The following RGS7 variants were observed in gnomAD, a reference collection of about 807,000 sequenced individuals.
The protein encoded by RGS7 is regulator of G protein signaling 7.
A neutral mutation model predicts 81.1 loss-of-function variants in RGS7; 27 were observed. That is an observed-to-expected ratio of 0.33 (90% CI 0.25 to 0.46). The LOEUF (loss-of-function observed/expected upper bound fraction) is 0.46, where lower values mean the gene tolerates loss of function less well. Ranked by LOEUF, RGS7 falls within the 20% of genes least tolerant of loss-of-function variation. RGS7 has a pLI of 1.00. For missense variants in RGS7, 396 were observed against 607.4 expected (o/e 0.65, Z 3.66); for synonymous variants, 208 against 207.7 (o/e 1.00, Z -0.01).
At chr1:241,106,751 AC>A (rs372491514) in intron 2 of RGS7, among the ~76,000 whole-genome samples, 50 of 54,384 alleles carry the variant, frequency 9.2e-4, no homozygotes, top group African/African-American at 1.3e-3. Context: ...CAACACCACC[AC>A]CACACACACA....
Position 240,848,633 on chromosome 1 carries a change from G to GTTT in RGS7, c.609+19951_609+19953dup, listed in dbSNP as rs5782165. On this transcript the variant is annotated intron_variant, in intron 9 of 18. Transcript: ENST00000440928. Reference sequence around the variant, plus strand: ...AAGGAAATCTCATTTATAACGAGAGGTTTTTTTTTTTAAGAAAGAAACCTA... The same window carrying GTTT: ...AAGGAAATCTCATTTATAACGAGAGGTTTTTTTTTTTTTTAAGAAAGAAACCTA... Among the ~76,000 whole-genome samples the GTTT allele has an allele frequency of 5.0e-3, 752 of 148,934 alleles. 7 individuals carry two copies. Among genetic ancestry groups the GTTT allele is most frequent in the African/African-American group, 0.013 (548 of 40,858 alleles).
chr1:240,797,376 A>G (rs187612333), intron 18 of RGS7, among the ~76,000 whole-genome samples: 51 of 152,042 alleles, frequency 3.4e-4, no homozygotes, highest in African/African-American at 1.2e-3. Context: ...TTTCAGACAG[A>G]GTTTCTCTTT....
intron 4 of RGS7, among the ~76,000 whole-genome samples, chr1:240,981,482 C>G (rs1684912126): frequency 6.6e-6 from 1 of 152,124 alleles, no homozygotes; most frequent in South Asian, 2.1e-4. Context: ...CTTTGCCAAT[C>G]AGTAGTTTCC....
At chr1:240,832,659 C>T (rs557175574) in intron 9 of RGS7, among the ~76,000 whole-genome samples, 2 of 152,240 alleles carry the variant, frequency 1.3e-5, no homozygotes, top group South Asian at 4.1e-4. Flanking sequence ...CTCGGCAAAG[C>T]CTGTGGTGAA....
At chr1:240,972,968 G>A (rs889171393) in intron 4 of RGS7, among the ~76,000 whole-genome samples, 5 of 151,674 alleles carry the variant, frequency 3.3e-5, no homozygotes, top group Admixed American at 2.6e-4. Flanking sequence ...AGGATCACCT[G>A]GGCCTGGGAG....
intron 2 of RGS7, among the ~76,000 whole-genome samples, chr1:241,254,805 G>A (rs755068481): frequency 2.0e-5 from 3 of 152,210 alleles, no homozygotes; most frequent in East Asian, 1.9e-4. Context: ...CATTGTCTGG[G>A]ATTTTACCAC....
intron 3 of RGS7, among the ~76,000 whole-genome samples, chr1:241,037,612 T>C (rs553278520): frequency 1.3e-5 from 2 of 151,588 alleles, no homozygotes; most frequent in South Asian, 4.2e-4. Flanking sequence ...TCCCATCTAA[T>C]TGGGTGGCTG....
chr1:241,077,452 G>C (rs1193932329), intron 3 of RGS7, among the ~76,000 whole-genome samples: 1 of 152,172 alleles, frequency 6.6e-6, no homozygotes, highest in Non-Finnish European at 1.5e-5. Context: ...TGGAATTCTG[G>C]ATGTGTCAAG....
intron 2 of RGS7, among the ~76,000 whole-genome samples, chr1:241,259,667 A>AAAAAATATATAT: frequency 1.4e-4 from 7 of 49,146 alleles, no homozygotes; most frequent in African/African-American, 3.2e-4. Context: ...AAAAAAAAAA[A>AAAAAATATATAT]ATATATATAT....
chr1:241,217,821 G>A (rs909379366), intron 2 of RGS7, among the ~76,000 whole-genome samples: 3 of 152,236 alleles, frequency 2.0e-5, no homozygotes, highest in African/African-American at 7.2e-5. Context: ...CTTGGCACAA[G>A]AGGGTAGCAC....
At chr1:241,131,161 T>C (rs1386862752) in intron 2 of RGS7, among the ~76,000 whole-genome samples, 1 of 152,076 alleles carries the variant, frequency 6.6e-6, no homozygotes, top group Non-Finnish European at 1.5e-5. Flanking sequence ...AAAATAAAAA[T>C]ACCTTTCCAG....
chr1:241,113,739 T>C (rs907657238), intron 2 of RGS7, among the ~76,000 whole-genome samples: 10 of 152,176 alleles, frequency 6.6e-5, no homozygotes, highest in African/African-American at 2.4e-4. Flanking sequence ...ACTCCTTCCC[T>C]ATAAAATGAG....
intron 3 of RGS7, among the ~76,000 whole-genome samples, chr1:241,083,700 C>T (rs952358302): frequency 3.9e-5 from 6 of 152,040 alleles, no homozygotes; most frequent in Admixed American, 1.3e-4. Context: ...TTTTAGTATA[C>T]TCTTTCTTTC....
At chr1:241,005,246 C>T (rs558912468) in intron 3 of RGS7, among the ~76,000 whole-genome samples, 6 of 152,258 alleles carry the variant, frequency 3.9e-5, no homozygotes, top group Admixed American at 1.3e-4. Context: ...AAAGGTATAG[C>T]CCTATTTGAC....
intron 2 of RGS7, among the ~76,000 whole-genome samples, chr1:241,280,393 T>G (rs2078435191): frequency 1.3e-5 from 2 of 152,046 alleles, no homozygotes; most frequent in South Asian, 4.1e-4. Context: ...AGGCAATACA[T>G]TTCTGTTAAT....
At chr1:240,826,401 C>T (rs77566851) in intron 10 of RGS7, among the ~76,000 whole-genome samples, 5,839 of 152,184 alleles carry the variant, frequency 0.038, 121 homozygotes, top group African/African-American at 0.052. Context: ...CTGGAAAACA[C>T]GATGGCTAAC....
At chr1:241,226,699 T>C (rs1279125484) in intron 2 of RGS7, among the ~76,000 whole-genome samples, 1 of 152,214 alleles carries the variant, frequency 6.6e-6, no homozygotes, top group Non-Finnish European at 1.5e-5. Flanking sequence ...CTTCATTCCA[T>C]GAGCAGGTGA....
intron 2 of RGS7, among the ~76,000 whole-genome samples, chr1:241,138,575 CT>C (rs2067694367): frequency 6.6e-6 from 1 of 152,194 alleles, no homozygotes; most frequent in African/African-American, 2.4e-5. Flanking sequence ...CTTGGTCCAG[CT>C]GTAGCAGAGC....
At chr1:241,272,207 G>T (rs983902511) in intron 2 of RGS7, among the ~76,000 whole-genome samples, 3 of 151,728 alleles carry the variant, frequency 2.0e-5, no homozygotes, top group East Asian at 3.9e-4. Flanking sequence ...GTTAGCCAGG[G>T]TGGTCTTGAT....
Sources: allele counts gnomAD v4.1 joint callset (sites outside exome capture counted in the v4.1 genomes callset), GRCh38; gene constraint gnomAD v4.1.1; transcripts MANE v1.5; gene names NCBI Gene and HGNC (gene_info 2026-07-23, HGNC 2026-07-21).